Variants in AJUBA observed in about 807,000 individuals in gnomAD.
AJUBA encodes the protein LIM domain-containing protein ajuba.
AJUBA carries 20 observed loss-of-function variants against 53.3 expected under a neutral mutation model. That is an observed-to-expected ratio of 0.38 (90% CI 0.26 to 0.55). The LOEUF is 0.55. Among genes scored for constraint, AJUBA ranks in the 20% least tolerant of loss-of-function variants. AJUBA has a pLI of 0.80. For synonymous variants in AJUBA, 296 were observed against 306.2 expected, an observed-to-expected ratio of 0.97 and a Z score of 0.35; for missense variants, 580 against 730.5, an observed-to-expected ratio of 0.79 and a Z score of 2.38.
Position 22,972,343 on chromosome 14 carries a change from G to C in AJUBA, c.*1100C>G, listed in dbSNP as rs1287112601. The C allele has an allele frequency of 6.6e-6, 1 of 152,552 alleles. No individual in the cohort carries two copies. The highest frequency in any genetic ancestry group is 6.6e-5 in the Admixed American group (1 of 15,262). The allele number at this position is 152,552 out of a possible 1,614,324, so 9.4% of individuals were successfully genotyped here. On this transcript the variant is annotated 3_prime_UTR_variant, in exon 8 of 8. Transcript: ENST00000262713. ...CTGAGAAGAGAGTAAGAAAGAGTGA[G>C]AGAGAGACAGAGAGACAAGAGAGAG...
Position 22,982,271 on chromosome 14 carries a change from T to G in AJUBA, c.-5A>C. On this transcript the variant is annotated 5_prime_UTR_variant, in exon 1 of 8. Transcript: ENST00000262713. ...TTTCTCTCCTAACCGCTCCATGCCCTCGGGCCTGGGGCCTCTCGCCCCCTC... is the reference window on the plus strand; with the variant it reads ...TTTCTCTCCTAACCGCTCCATGCCCGCGGGCCTGGGGCCTCTCGCCCCCTC... The G allele has an allele frequency of 6.2e-7, 1 of 1,613,150 alleles. No homozygotes were observed. The highest frequency in any genetic ancestry group is 2.2e-5 in the East Asian group (1 of 44,788).
intron 7 of AJUBA, 35 bp downstream of exon 7, chr14:22,974,012 C>T (rs776153584): frequency 6.2e-7 from 1 of 1,613,504 alleles, no homozygotes; most frequent in Non-Finnish European, 8.5e-7. Flanking sequence ...CCCATTTCCA[C>T]TTCTTCTCCA....
In AJUBA at chr14:22,974,740, G is replaced by A. The variant is rs936730631; in HGVS notation, c.1422+99C>T. 20 of 1,355,574 alleles carry A rather than the reference G, an allele frequency of 1.5e-5. No homozygotes were observed. The African/African-American group carries it at 2.6e-4, about 18-fold the overall frequency. 84.0% of individuals were successfully genotyped at this position (1,355,574 alleles called of 1,614,324 possible). The stretch of plus-strand genomic sequence containing the variant: ...GAATCTTCACAGAGTACATTCCTTG[G>A]CACTACCACTTCTGGCAGGAGGCCA... On this transcript the variant is annotated intron_variant, in intron 6 of 7. Transcript: ENST00000262713.
At position 22,982,143 on chromosome 14, in the gene AJUBA, C is replaced by T. The variant is rs750787703; in HGVS notation, c.124G>A (p.Gly42Arg). Residue 42 changes from glycine (G) to arginine (R), a missense_variant, in exon 1 of 8, where the codon GGG (glycine) becomes AGG (arginine). Physicochemically the swap from Gly to Arg is moderately radical, Grantham distance 125 (BLOSUM62 -2). Coordinates refer to ENST00000262713, the MANE Select transcript of AJUBA (RefSeq NM_032876.6). ...CGGGGCCCTGACTTCCTAGGTCCCCCCAACCCACTTAGGCGCCCCTTGCCC... is the reference window on the plus strand; with the variant it reads ...CGGGGCCCTGACTTCCTAGGTCCCCTCAACCCACTTAGGCGCCCCTTGCCC... ...GPGKGRLSGL[G>R]GPRKSGPRGA... 1.2e-6 allele frequency: 2 copies of T among 1,610,064 alleles called. No individual in the cohort carries two copies. Among genetic ancestry groups the T allele is most frequent in the Non-Finnish European group, 1.7e-6 (2 of 1,178,286 alleles).
At chr14:22,975,906 A>G (rs2018545) in intron 4 of AJUBA, 66,875 of 150,882 alleles carry the variant, frequency 0.44, 15,907 homozygotes, top group African/African-American at 0.61. Flanking sequence ...GCTCACGCCT[A>G]TAATCTAGCA....
rs2045112988 is a variant in AJUBA at position 22,982,443 on chromosome 14, GA to G, written c.-178del. 1 of 1,432,718 alleles carries G rather than the reference GA, an allele frequency of 7.0e-7. No individual in the cohort carries two copies. Among genetic ancestry groups the G allele is most frequent in the Non-Finnish European group, 9.1e-7 (1 of 1,101,718 alleles). 88.8% of individuals were successfully genotyped at this position (1,432,718 alleles called of 1,614,324 possible). A position where few individuals can be genotyped will look rare whatever the true frequency, so the allele number is the denominator to read the frequency against. ...GGAATCCCACAGCATCCCCCAGCGG[GA>G]GGGGCTGCGTCCCCCCGCGCATCTG... On this transcript the variant is annotated 5_prime_UTR_variant, in exon 1 of 8. The change abolishes the stop of an existing upstream ORF in the 5' untranslated region. Coordinates refer to ENST00000262713, the MANE Select transcript of AJUBA (RefSeq NM_032876.6).
chr14:22,978,805 G>T, intron 1 of AJUBA: 1 of 1,225,382 alleles, frequency 8.2e-7, no homozygotes, highest in Non-Finnish European at 1.0e-6. Context: ...GCAGTGTGTA[G>T]GATGAACGGT....
Position 22,973,586 on chromosome 14 carries a change from T to C in AJUBA, c.1492-18A>G. On this transcript the variant is annotated intron_variant, in intron 7 of 7. Transcript: ENST00000262713. ...CGGCAGTCCTAGGGAAGAAGGCACC[T>C]AGTTCACCTCAGCCTAGGCACCTTG... The C allele has an allele frequency of 6.2e-7, 1 of 1,613,802 alleles. No homozygotes were observed.
At chr14:22,975,874 G>A (rs906385523) in intron 4 of AJUBA, 2 of 151,118 alleles carry the variant, frequency 1.3e-5, no homozygotes, top group Non-Finnish European at 2.9e-5. Context: ...AGACGACTCA[G>A]GACCCCAGGC....
At position 22,982,503 on chromosome 14, in the gene AJUBA, G is replaced by A. The variant is rs45500097; in HGVS notation, c.-237C>T. ...CGGGGCTAGCAGGGTCTCTGGCCGC[G>A]GCTGTCCAGTCCGCAGGTCTATCTG... On this transcript the variant is annotated 5_prime_UTR_variant, in exon 1 of 8. Coordinates refer to ENST00000262713, the MANE Select transcript of AJUBA (RefSeq NM_032876.6). 0.22 allele frequency: 309,150 copies of A among 1,398,078 alleles called. 35,817 individuals carry two copies. The highest frequency in any genetic ancestry group is 0.31 in the African/African-American group (20,227 of 66,252). 86.6% of individuals were successfully genotyped at this position (1,398,078 alleles called of 1,614,324 possible).
At chr14:22,977,362 G>C (rs2045046999) in intron 2 of AJUBA, 10 of 251,550 alleles carry the variant, frequency 4.0e-5, no homozygotes, top group Non-Finnish European at 6.3e-5. Context: ...AGCAGACAAG[G>C]CAGGACAATT....
At chr14:22,974,732 AT>A (rs898240820) in intron 6 of AJUBA, 106 bp downstream of exon 6, 2 of 1,301,008 alleles carry the variant, frequency 1.5e-6, no homozygotes, top group African/African-American at 2.9e-5. Flanking sequence ...CACAGAGTAC[AT>A]TCCTTGGCAC....
intron 1 of AJUBA, chr14:22,978,723 T>C: frequency 8.1e-6 from 10 of 1,240,328 alleles, no homozygotes; most frequent in Non-Finnish European, 1.0e-5. Flanking sequence ...GTCGAAGATA[T>C]GGTCCCTGGC....
intron 2 of AJUBA, chr14:22,977,044 G>T: frequency 8.3e-7 from 1 of 1,202,884 alleles, no homozygotes; most frequent in African/African-American, 1.5e-5. Flanking sequence ...CTACGTGCTG[G>T]AATACGTGAG....
In AJUBA at chr14:22,982,528, G is replaced by C; in HGVS notation, c.-262C>G. Reference sequence around the variant, plus strand: ...GGCTGTCCAGTCCGCAGGTCTATCTGTTCACGCGTCGACTCGCCCGACTGC... The same window carrying C: ...GGCTGTCCAGTCCGCAGGTCTATCTCTTCACGCGTCGACTCGCCCGACTGC... On this transcript the variant is annotated 5_prime_UTR_variant, in exon 1 of 8. Coordinates refer to ENST00000262713, the MANE Select transcript of AJUBA (RefSeq NM_032876.6). 2.2e-6 allele frequency: 3 copies of C among 1,348,176 alleles called. No homozygotes were observed. The South Asian group carries it at 5.1e-5, about 23-fold the overall frequency. The allele number at this position is 1,348,176 out of a possible 1,614,324, so 83.5% of individuals were successfully genotyped here. A position where few individuals can be genotyped will look rare whatever the true frequency, so the allele number is the denominator to read the frequency against.
intron 6 of AJUBA, 110 bp from the exon 7 acceptor site, chr14:22,974,225 A>C (rs920985234): frequency 1.5e-4 from 174 of 1,141,816 alleles, no homozygotes; most frequent in Admixed American, 5.0e-4. Context: ...AAATGCCCCC[A>C]GAGTCTCTCT....
In AJUBA at chr14:22,973,047, C is replaced by T. The variant is rs909822253; in HGVS notation, c.*396G>A. On this transcript the variant is annotated 3_prime_UTR_variant, in exon 8 of 8. Transcript: ENST00000262713. ...GTGGCTTACGCCTATAATCCCAGCA[C>T]TTTGGGAGGCCAAGGTGGGAGGATC... 8.8e-6 allele frequency: 2 copies of T among 226,714 alleles called. No individual in the cohort carries two copies. The highest frequency in any genetic ancestry group is 6.4e-5 in the South Asian group (1 of 15,700). The allele number at this position is 226,714 out of a possible 1,614,324, so 14.0% of individuals were successfully genotyped here.
chr14:22,978,663 ATC>A (rs1566656598), intron 1 of AJUBA: 1 of 1,327,476 alleles, frequency 7.5e-7, no homozygotes, highest in African/African-American at 1.5e-5. Flanking sequence ...TTTTCTGAGC[ATC>A]TGTTTTGTGC....
intron 2 of AJUBA, chr14:22,977,657 G>A (rs2045049870): frequency 6.6e-6 from 1 of 152,330 alleles, no homozygotes; most frequent in African/African-American, 2.4e-5. Context: ...CTGGGGGAGT[G>A]AGAAAAGCTG....
Sources: gnomAD v4.1 joint callset for allele counts on GRCh38, gnomAD v4.1.1 for gene constraint, MANE v1.5 for transcripts, NCBI Gene and HGNC (gene_info 2026-07-23, HGNC 2026-07-21) for gene names.